Variants in CHMP4B observed in about 807,000 individuals in gnomAD.
CHMP4B encodes SNF7 homolog associated with Alix 1.
Under a neutral mutation model 25.1 loss-of-function variants are expected in CHMP4B, and 1 was observed. The observed-to-expected ratio is 0.04, with a 90% CI of 0.01 to 0.19. The LOEUF (loss-of-function observed/expected upper bound fraction) is 0.19, where lower values mean the gene tolerates loss of function less well. Ranked by LOEUF, CHMP4B falls within the 10% of genes least tolerant of loss-of-function variation. The pLI, the probability that CHMP4B is intolerant of heterozygous loss-of-function variation, is 1.00. For synonymous variants in CHMP4B, 101 were observed against 115.6 expected (o/e 0.87, Z 0.81); for missense variants, 151 against 289.7 (o/e 0.52, Z 3.48).
chr20:33,848,101 T>G (rs1329250964), intron 1 of CHMP4B, among the ~76,000 whole-genome samples: 1 of 150,972 alleles, frequency 6.6e-6, no homozygotes, highest in Non-Finnish European at 1.5e-5. Flanking sequence ...CTGCTCACAC[T>G]GACCCCATCT....
intron 1 of CHMP4B, among the ~76,000 whole-genome samples, chr20:33,813,355 A>T (rs1212766528): frequency 6.6e-6 from 1 of 152,058 alleles, no homozygotes; most frequent in Non-Finnish European, 1.5e-5. Flanking sequence ...AGTGGATGGA[A>T]AGTTTTTGGA....
intron 1 of CHMP4B, among the ~76,000 whole-genome samples, chr20:33,813,003 T>C (rs1184849180): frequency 2.0e-5 from 3 of 150,484 alleles, no homozygotes; most frequent in African/African-American, 7.4e-5. Context: ...TGTCCGGGGG[T>C]GATAAGTACT....
At chr20:33,818,533 C>G (rs1401798581) in intron 1 of CHMP4B, among the ~76,000 whole-genome samples, 1 of 101,610 alleles carries the variant, frequency 9.8e-6, no homozygotes, top group Non-Finnish European at 1.9e-5. Flanking sequence ...AATCACCTTT[C>G]TTAATTGGGA....
At chr20:33,853,214 C>G (rs903223924) in intron 4 of CHMP4B, among the ~76,000 whole-genome samples, 1 of 152,146 alleles carries the variant, frequency 6.6e-6, no homozygotes, top group South Asian at 2.1e-4. Context: ...GCTCTGGGAC[C>G]GAAGCCTTGT....
intron 1 of CHMP4B, among the ~76,000 whole-genome samples, chr20:33,816,761 T>G (rs1490633810): frequency 3.3e-5 from 5 of 152,224 alleles, no homozygotes; most frequent in Non-Finnish European, 7.3e-5. Flanking sequence ...GATCATAGTT[T>G]AACAAGAGAA....
intron 1 of CHMP4B, among the ~76,000 whole-genome samples, chr20:33,833,066 G>A (rs1460405666): frequency 6.6e-6 from 1 of 152,046 alleles, no homozygotes; most frequent in Non-Finnish European, 1.5e-5. Context: ...TGGGATTGTA[G>A]GTGTGAGCCA....
intron 4 of CHMP4B, among the ~76,000 whole-genome samples, chr20:33,852,467 C>T (rs552072657): frequency 4.7e-4 from 30 of 63,234 alleles, no homozygotes; most frequent in African/African-American, 1.8e-3. Context: ...CTCTCTGGGC[C>T]GAGAGATGGA....
intron 1 of CHMP4B, among the ~76,000 whole-genome samples, chr20:33,834,599 C>T (rs186934925): frequency 2.0e-5 from 3 of 152,280 alleles, no homozygotes; most frequent in African/African-American, 4.8e-5. Context: ...CTAGTGTAGG[C>T]TTTTAGTTCC....
In CHMP4B at chr20:33,813,712, AGTTTGTTTTTTT is replaced by A. The variant is rs1346086591; in HGVS notation, c.190+2063_190+2074del. On this transcript the variant is annotated intron_variant, in intron 1 of 4. Transcript: ENST00000217402. ...GGTCTGGAGCTAGCTTAGTTTCTGG[AGTTTGTTTTTTT>A]GTTTGTTTGTTTGTTTGTTTGTTTT... Among the ~76,000 whole-genome samples the A allele has an allele frequency of 1.1e-4, 17 of 151,640 alleles. 1 individual carries two copies. The South Asian group carries it at 3.5e-3, about 32-fold the overall frequency.
At chr20:33,813,930 A>G (rs1004171210) in intron 1 of CHMP4B, among the ~76,000 whole-genome samples, 1 of 152,134 alleles carries the variant, frequency 6.6e-6, no homozygotes. Context: ...ATGGGGTTTC[A>G]CCATGTTGGT....
chr20:33,852,899 A>G lies in CHMP4B; in HGVS notation c.611-597A>G, dbSNP rs186729899. Among the ~76,000 whole-genome samples the G allele has an allele frequency of 2.0e-5, 3 of 152,104 alleles. No individual in the cohort carries two copies. The East Asian group carries it at 5.8e-4, about 29-fold the overall frequency. On this transcript the variant is annotated intron_variant, in intron 4 of 4. Coordinates refer to ENST00000217402, the MANE Select transcript of CHMP4B (RefSeq NM_176812.5). ...CCCTTCCCCCATCCCCTCGCACAAT[A>G]TTTCACCCCCAGGTAGAAGTAATCC...
At chr20:33,811,806 C>T in intron 1 of CHMP4B, 148 bp downstream of exon 1, 1 of 795,720 alleles carries the variant, frequency 1.3e-6, no homozygotes. Context: ...GGACCCCCTC[C>T]CCGACTCCCT....
chr20:33,815,919 G>GC (rs1978771606), intron 1 of CHMP4B, among the ~76,000 whole-genome samples: 1 of 152,190 alleles, frequency 6.6e-6, no homozygotes, highest in South Asian at 2.1e-4. Context: ...AAGGTGTGGT[G>GC]CTGAGTAGGG....
chr20:33,832,779 T>A (rs1046476635), intron 1 of CHMP4B, among the ~76,000 whole-genome samples: 39 of 151,152 alleles, frequency 2.6e-4, no homozygotes, highest in African/African-American at 9.5e-4. Flanking sequence ...TAAATGATTT[T>A]TTTTTTTTTT....
chr20:33,822,565 A>G (rs1211487110), intron 1 of CHMP4B, among the ~76,000 whole-genome samples: 6 of 152,214 alleles, frequency 3.9e-5, no homozygotes, highest in Admixed American at 3.9e-4. Context: ...GTCTGGAGGT[A>G]GGACTTTGGG....
intron 1 of CHMP4B, among the ~76,000 whole-genome samples, chr20:33,819,290 A>G (rs1242930376): frequency 2.0e-5 from 3 of 152,214 alleles, no homozygotes; most frequent in Non-Finnish European, 4.4e-5. Context: ...GCACAACCCT[A>G]GAACAGGCAG....
At chr20:33,849,495 G>A (rs1243495988) in intron 2 of CHMP4B, among the ~76,000 whole-genome samples, 1 of 152,144 alleles carries the variant, frequency 6.6e-6, no homozygotes, top group East Asian at 1.9e-4. Flanking sequence ...AGCTACTGGC[G>A]GCTGAGGCAG....
intron 1 of CHMP4B, among the ~76,000 whole-genome samples, chr20:33,837,174 T>A (rs746822002): frequency 6.6e-6 from 1 of 152,026 alleles, no homozygotes; most frequent in Non-Finnish European, 1.5e-5. Context: ...ATCCCAGCAC[T>A]TTAGGAGGCC....
At chr20:33,811,933 C>T (rs1188368572) in intron 1 of CHMP4B, among the ~76,000 whole-genome samples, 1 of 152,164 alleles carries the variant, frequency 6.6e-6, no homozygotes. Context: ...CACTTTCCTC[C>T]GCCCTCACTC....
Sources: allele counts gnomAD v4.1 joint callset (sites outside exome capture counted in the v4.1 genomes callset), GRCh38; gene constraint gnomAD v4.1.1; transcripts MANE v1.5; gene names NCBI Gene and HGNC (gene_info 2026-07-23, HGNC 2026-07-21).